The following SPMIP11 variants were observed in gnomAD, a reference collection of about 807,000 sequenced individuals.
The protein encoded by SPMIP11 is sperm microtubule inner protein 11, also known as long intergenic non-protein coding RNA 935.
chr12:48,740,213 G>C, the SPMIP11 span, among the ~76,000 whole-genome samples: 2 of 152,132 alleles, frequency 1.3e-5, no homozygotes, highest in Non-Finnish European at 1.5e-5. Flanking sequence ...TGTAAGACTT[G>C]TAAAAAGAAT....
chr12:48,739,119 C>T, the SPMIP11 span, among the ~76,000 whole-genome samples: 1 of 151,932 alleles, frequency 6.6e-6, no homozygotes, highest in Non-Finnish European at 1.5e-5. Flanking sequence ...CCTCTGAGCC[C>T]TTTTTCCTAT....
chr12:48,770,716 C>T, the SPMIP11 span: 9 of 1,573,338 alleles, frequency 5.7e-6, no homozygotes, highest in Non-Finnish European at 7.9e-6. Flanking sequence ...ATCCCAGCTT[C>T]ACCTGGAAAA....
chr12:48,753,771 G>A, the SPMIP11 span, among the ~76,000 whole-genome samples: 1 of 143,678 alleles, frequency 7.0e-6, no homozygotes, highest in South Asian at 2.2e-4. Context: ...GCGCAATATC[G>A]GCTCACTGCA....
At chr12:48,744,807 G>GA in the SPMIP11 span, among the ~76,000 whole-genome samples, 1 of 141,912 alleles carries the variant, frequency 7.0e-6, no homozygotes, top group East Asian at 2.0e-4. Context: ...GAAAGAAGAA[G>GA]AAAAAGGAAG....
chr12:48,768,437 G>A, the SPMIP11 span: 583 of 1,093,816 alleles, frequency 5.3e-4, 6 homozygotes, highest in South Asian at 6.6e-3. Flanking sequence ...GAGGGCAGAC[G>A]AGCATGATCC....
At chr12:48,738,984 T>C in the SPMIP11 span, among the ~76,000 whole-genome samples, 1 of 152,126 alleles carries the variant, frequency 6.6e-6, no homozygotes, top group South Asian at 2.1e-4. Flanking sequence ...CCTTGGTTAT[T>C]ATATTTTAAT....
chr12:48,769,913 C>G, the SPMIP11 span, among the ~76,000 whole-genome samples: 2 of 151,942 alleles, frequency 1.3e-5, no homozygotes, highest in African/African-American at 2.4e-5. Context: ...AGGCGCCCAC[C>G]ACCACACCCG....
chr12:48,757,870 G>T, the SPMIP11 span, among the ~76,000 whole-genome samples: 2 of 150,656 alleles, frequency 1.3e-5, no homozygotes, highest in Non-Finnish European at 3.0e-5. Context: ...GGCACACGCT[G>T]GTAATCCCAG....
the SPMIP11 span, among the ~76,000 whole-genome samples, chr12:48,731,844 C>T: frequency 6.6e-6 from 1 of 152,022 alleles, no homozygotes; most frequent in Non-Finnish European, 1.5e-5. Flanking sequence ...TGATTTGTTT[C>T]CTGTGTTTAA....
chr12:48,768,946 G>C, the SPMIP11 span: 2 of 1,611,688 alleles, frequency 1.2e-6, no homozygotes, highest in Admixed American at 1.7e-5. Flanking sequence ...CCTGGATTCG[G>C]TCGGGGACCC....
the SPMIP11 span, among the ~76,000 whole-genome samples, chr12:48,729,229 A>G: frequency 1.3e-5 from 2 of 152,038 alleles, no homozygotes; most frequent in Non-Finnish European, 2.9e-5. Flanking sequence ...GTGAAACCCC[A>G]TCTCTACTAA....
the SPMIP11 span, among the ~76,000 whole-genome samples, chr12:48,760,071 A>G: frequency 6.6e-6 from 1 of 152,178 alleles, no homozygotes; most frequent in Admixed American, 6.5e-5. Flanking sequence ...TGCTGGGATT[A>G]CAGGCGTGAG....
At chr12:48,744,758 GGAGGAGGAGGAAGAGGAA>G in the SPMIP11 span, among the ~76,000 whole-genome samples, 3 of 149,776 alleles carry the variant, frequency 2.0e-5, no homozygotes, top group African/African-American at 7.4e-5. Context: ...AGAAGATGGG[GGAGGAGGAGGAAGAGGAA>G]GAGGAGGGGG....
At chr12:48,753,759 T>G in the SPMIP11 span, among the ~76,000 whole-genome samples, 1 of 148,168 alleles carries the variant, frequency 6.7e-6, no homozygotes, top group African/African-American at 2.5e-5. Context: ...TGGAGTGCAG[T>G]GGCGCAATAT....
the SPMIP11 span, among the ~76,000 whole-genome samples, chr12:48,734,830 T>C: frequency 3.3e-5 from 5 of 151,640 alleles, no homozygotes; most frequent in African/African-American, 1.2e-4. Context: ...GGTGAAACCC[T>C]GTCTCTACTA....
At chr12:48,769,147 A>T in the SPMIP11 span, 3 of 1,350,624 alleles carry the variant, frequency 2.2e-6, no homozygotes, top group East Asian at 2.6e-5. Flanking sequence ...TGGTAGAAGG[A>T]CCCAGAGAAA....
At chr12:48,765,476 G>A in the SPMIP11 span, 8 of 626,570 alleles carry the variant, frequency 1.3e-5, no homozygotes, top group South Asian at 3.6e-5. Context: ...TGATCCACCC[G>A]CCAGGGCCTC....
At chr12:48,751,657 G>A in the SPMIP11 span, among the ~76,000 whole-genome samples, 1 of 152,102 alleles carries the variant, frequency 6.6e-6, no homozygotes, top group Non-Finnish European at 1.5e-5. Context: ...AAATTCAGGA[G>A]GCTAACTCAC....
At chr12:48,758,841 A>C in the SPMIP11 span, among the ~76,000 whole-genome samples, 1 of 152,196 alleles carries the variant, frequency 6.6e-6, no homozygotes, top group African/African-American at 2.4e-5. Flanking sequence ...CATGACTTCC[A>C]CTATTAGACC....
Sources: gnomAD v4.1 joint callset for allele counts (sites outside exome capture counted in the v4.1 genomes callset) on GRCh38, gnomAD v4.1.1 for gene constraint, MANE v1.5 for transcripts, NCBI Gene and HGNC (gene_info 2026-07-23, HGNC 2026-07-21) for gene names.